Variants in CCBE1 observed in about 807,000 individuals in gnomAD.
CCBE1 encodes the protein collagen and calcium binding EGF domains 1, also known as collagen and calcium-binding EGF domain-containing protein 1.
In CCBE1, 37 loss-of-function variants were observed where a neutral mutation model predicts 50.0. The observed-to-expected ratio is 0.74, with a 90% CI of 0.57 to 0.97. CCBE1 has a LOEUF of 0.97. CCBE1 is among the 50% of genes least tolerant of loss of function. The probability of loss-of-function intolerance (pLI) is 0.00; values close to 1 mark genes in which losing one functional copy is unlikely to be tolerated. For synonymous variants in CCBE1, 234 were observed against 203.7 expected, an observed-to-expected ratio of 1.15 and a Z score of -1.27; for missense variants, 538 against 523.8, an observed-to-expected ratio of 1.03 and a Z score of -0.26.
intron 2 of CCBE1, among the ~76,000 whole-genome samples, chr18:59,564,842 A>G (rs923178569): frequency 6.6e-6 from 1 of 152,250 alleles, no homozygotes; most frequent in East Asian, 1.9e-4. Flanking sequence ...GCCTTGGTCC[A>G]TGGTGGTAGA....
chr18:59,651,089 T>C (rs145310010), intron 2 of CCBE1, among the ~76,000 whole-genome samples: 1 of 152,292 alleles, frequency 6.6e-6, no homozygotes, highest in African/African-American at 2.4e-5. Flanking sequence ...CTTAATATCA[T>C]CCAAAATTGT....
intron 7 of CCBE1, among the ~76,000 whole-genome samples, chr18:59,444,560 A>C (rs1910588633): frequency 6.6e-6 from 1 of 151,524 alleles, no homozygotes; most frequent in Non-Finnish European, 1.5e-5. Context: ...TCTGTCACAC[A>C]GGCTGGAATG....
At chr18:59,664,970 C>T (rs891436343) in intron 2 of CCBE1, among the ~76,000 whole-genome samples, 2 of 152,096 alleles carry the variant, frequency 1.3e-5, no homozygotes, top group Non-Finnish European at 2.9e-5. Context: ...CTTCACTGCC[C>T]TCCCCTCTTA....
chr18:59,534,219 C>T (rs1475460021), intron 2 of CCBE1, among the ~76,000 whole-genome samples: 1 of 152,196 alleles, frequency 6.6e-6, no homozygotes, highest in Non-Finnish European at 1.5e-5. Flanking sequence ...AGTCTACCGA[C>T]CTCAAAATAA....
rs1333105125 is a variant in CCBE1, at chr18:59,491,874, GGAAAA to G, written c.213-11641_213-11637del. Among the ~76,000 whole-genome samples, 3 of 151,010 alleles carry G rather than the reference GGAAAA, an allele frequency of 2.0e-5. No individual in the cohort carries two copies. The South Asian group carries it at 6.3e-4, about 32-fold the overall frequency. On this transcript the variant is annotated intron_variant, in intron 2 of 10. Coordinates refer to ENST00000439986, the MANE Select transcript of CCBE1 (RefSeq NM_133459.4). ...TCATGGTCTATTCCCCAGCTAAGGT[GGAAAA>G]GAAAAGCATTCTGGAGGGCACTTTG...
intron 2 of CCBE1, chr18:59,564,208 C>T (rs1450189869): frequency 6.6e-6 from 1 of 152,136 alleles, no homozygotes; most frequent in South Asian, 2.1e-4. Context: ...AAGTTTAATA[C>T]AAAGTTACAC....
At chr18:59,657,488 C>G (rs2054206727) in intron 2 of CCBE1, among the ~76,000 whole-genome samples, 1 of 152,202 alleles carries the variant, frequency 6.6e-6, no homozygotes, top group Admixed American at 6.5e-5. Flanking sequence ...CCTCAGAGTC[C>G]CAGGGAGCTT....
At chr18:59,593,906 AT>A (rs779273284) in intron 2 of CCBE1, among the ~76,000 whole-genome samples, 1 of 152,264 alleles carries the variant, frequency 6.6e-6, no homozygotes, top group Non-Finnish European at 1.5e-5. Context: ...CGGGGTCCAT[AT>A]CCCAAAGAGG....
At chr18:59,477,538 C>CTGTGTGTGTGTGTGTGTG (rs55840819) in intron 3 of CCBE1, among the ~76,000 whole-genome samples, 295 of 149,984 alleles carry the variant, frequency 2.0e-3, no homozygotes, top group African/African-American at 5.8e-3. Flanking sequence ...TTCCATGTCT[C>CTGTGTGTGTGTGTGTGTG]TGTGTGTGTG....
chr18:59,452,571 C>T (rs139773299), intron 6 of CCBE1, among the ~76,000 whole-genome samples: 2 of 152,180 alleles, frequency 1.3e-5, no homozygotes, highest in African/African-American at 4.8e-5. Context: ...CCAGCCTGGG[C>T]GACAGAGCGA....
At chr18:59,651,244 G>A (rs1405051976) in intron 2 of CCBE1, among the ~76,000 whole-genome samples, 9 of 152,164 alleles carry the variant, frequency 5.9e-5, no homozygotes, top group African/African-American at 1.7e-4. Context: ...AGTGTTCCTT[G>A]GCACCATGAA....
intron 3 of CCBE1, among the ~76,000 whole-genome samples, chr18:59,473,000 A>G (rs530537673): frequency 6.6e-6 from 1 of 152,150 alleles, no homozygotes; most frequent in Non-Finnish European, 1.5e-5. Flanking sequence ...CCATGATTCA[A>G]TTATCTCCAC....
chr18:59,590,364 T>C (rs916145835), intron 2 of CCBE1, among the ~76,000 whole-genome samples: 4 of 152,192 alleles, frequency 2.6e-5, no homozygotes, highest in Admixed American at 2.6e-4. Flanking sequence ...TTTAAAACAC[T>C]CTTGAACGGC....
chr18:59,658,526 C>G (rs2054236418), intron 2 of CCBE1, among the ~76,000 whole-genome samples: 1 of 145,000 alleles, frequency 6.9e-6, no homozygotes, highest in Admixed American at 7.0e-5. Context: ...TGTGATTGTG[C>G]CACTGCACTA....
chr18:59,637,942 C>A lies in CCBE1; in HGVS notation c.212+58687G>T, dbSNP rs527884191. 6.6e-5 allele frequency among the ~76,000 whole-genome samples: 10 copies of A among 152,208 alleles called. No homozygotes were observed. The South Asian group carries it at 2.1e-3, about 32-fold the overall frequency. ...AAATAATCCTAGTTTACACAAAAAT[C>A]TTTCAAAAAATAGAAAAAGAGGAAA... On this transcript the variant is annotated intron_variant, in intron 2 of 10. Transcript: ENST00000439986.
At chr18:59,546,093 A>G (rs991646331) in intron 2 of CCBE1, among the ~76,000 whole-genome samples, 3 of 152,212 alleles carry the variant, frequency 2.0e-5, no homozygotes, top group South Asian at 2.1e-4. Flanking sequence ...AAAAGGGTCA[A>G]TCTATTCTCT....
At chr18:59,584,957 T>C (rs746332756) in intron 2 of CCBE1, among the ~76,000 whole-genome samples, 28 of 152,112 alleles carry the variant, frequency 1.8e-4, no homozygotes, top group Admixed American at 1.7e-3. Context: ...CTGCTTGAGA[T>C]TGGCAAGTTA....
At chr18:59,696,908 C>T (rs1025105154) in intron 1 of CCBE1, among the ~76,000 whole-genome samples, 199 bp from the exon 2 acceptor site, 1 of 152,176 alleles carries the variant, frequency 6.6e-6, no homozygotes, top group African/African-American at 2.4e-5. Flanking sequence ...ACGAAGCGAA[C>T]CAGCTCCAGG....
intron 2 of CCBE1, among the ~76,000 whole-genome samples, chr18:59,499,007 C>T (rs1354857054): frequency 1.3e-5 from 2 of 152,194 alleles, no homozygotes; most frequent in Non-Finnish European, 2.9e-5. Flanking sequence ...GCAAATAGTG[C>T]CATGTGATTA....
Sources: gnomAD v4.1 joint callset for allele counts (sites outside exome capture counted in the v4.1 genomes callset) on GRCh38, gnomAD v4.1.1 for gene constraint, MANE v1.5 for transcripts, NCBI Gene and HGNC (gene_info 2026-07-23, HGNC 2026-07-21) for gene names.